The following FABP12 variants were observed in gnomAD, a reference collection of about 807,000 sequenced individuals.
FABP12 encodes fatty acid-binding protein 12.
FABP12 carries 19 observed loss-of-function variants against 13.7 expected under a neutral mutation model. The observed-to-expected ratio is 1.39, with a 90% CI of 0.97 to 2.04. FABP12 has a LOEUF of 2.04. Among genes scored for constraint, FABP12 ranks in the 30% most tolerant of loss-of-function variants. FABP12 has a pLI of 0.00. For synonymous variants in FABP12, 61 were observed against 57.0 expected, an observed-to-expected ratio of 1.07 and a Z score of -0.32; for missense variants, 182 against 164.2, an observed-to-expected ratio of 1.11 and a Z score of -0.59.
rs1249599223 is a variant in FABP12 at position 81,584,139 on chromosome 8, T to G, written c.-185+5914A>C. ...AAAAAGCATTTGATAAAATTCAACA[T>G]CCTGGAGAGTGACACCAGCAAGTTG... On this transcript the variant is annotated intron_variant, in intron 1 of 5. Coordinates refer to the FABP12 transcript ENST00000692030. Among the ~76,000 whole-genome samples, 4 of 152,152 alleles carry G rather than the reference T, an allele frequency of 2.6e-5. No homozygotes were observed. In the East Asian group the frequency reaches 7.7e-4, roughly 29 times the overall value.
chr8:81,529,746 G>T (rs1809012596), intron 2 of FABP12, 136 bp from the exon 3 acceptor site: 2 of 807,918 alleles, frequency 2.5e-6, no homozygotes. Flanking sequence ...TAACTAGGAG[G>T]TTTGCGAATT....
intron 1 of FABP12, among the ~76,000 whole-genome samples, chr8:81,554,977 T>G (rs1304179388): frequency 6.6e-6 from 1 of 152,090 alleles, no homozygotes; most frequent in East Asian, 1.9e-4. Flanking sequence ...TTCCTCTCAC[T>G]AGCATTCGAG....
At chr8:81,529,604 C>T in exon 3 of FABP12, 1 of 1,612,518 alleles carries the variant, frequency 6.2e-7, no homozygotes, top group Non-Finnish European at 8.5e-7. Context: ...GCTGGCTCTT[C>T]CTATACCTGG....
At chr8:81,569,392 T>A (rs1215827275) in intron 1 of FABP12, among the ~76,000 whole-genome samples, 1 of 152,218 alleles carries the variant, frequency 6.6e-6, no homozygotes, top group Non-Finnish European at 1.5e-5. Flanking sequence ...TAAACAATGA[T>A]GAGTTCAAAT....
intron 4 of FABP12, among the ~76,000 whole-genome samples, chr8:81,526,122 G>T (rs943625377): frequency 6.6e-6 from 1 of 151,988 alleles, no homozygotes. Flanking sequence ...AATTTATAAG[G>T]AATAAAATGT....
At chr8:81,562,214 T>C (rs180929282) in intron 1 of FABP12, among the ~76,000 whole-genome samples, 2 of 152,238 alleles carry the variant, frequency 1.3e-5, no homozygotes, top group East Asian at 3.9e-4. Flanking sequence ...AAGGACCCAG[T>C]TCTGGCAGGA....
chr8:81,532,271 A>G (rs1809094326), intron 1 of FABP12, among the ~76,000 whole-genome samples: 2 of 152,238 alleles, frequency 1.3e-5, no homozygotes, highest in African/African-American at 4.8e-5. Context: ...AATTCTAGGC[A>G]GAGCTTGATG....
chr8:81,531,269 T>C, exon 2 of FABP12: 2 of 1,607,312 alleles, frequency 1.2e-6, no homozygotes, highest in Non-Finnish European at 1.7e-6. Context: ...GTCTTCGGAA[T>C]TTTCACAAGA....
At chr8:81,559,373 G>A (rs372976) in intron 1 of FABP12, among the ~76,000 whole-genome samples, 53,021 of 152,042 alleles carry the variant, frequency 0.35, 9,843 homozygotes, top group East Asian at 0.5. Flanking sequence ...TAACAGTGGT[G>A]CCTTGGAAAA....
At chr8:81,559,462 C>T (rs769576664) in intron 1 of FABP12, among the ~76,000 whole-genome samples, 6 of 152,162 alleles carry the variant, frequency 3.9e-5, no homozygotes, top group Non-Finnish European at 8.8e-5. Flanking sequence ...GGTCTAGGCC[C>T]CACTTCCTTT....
chr8:81,534,467 C>A (rs1175244774), upstream of FABP12, among the ~76,000 whole-genome samples: 1 of 152,168 alleles, frequency 6.6e-6, no homozygotes, highest in East Asian at 1.9e-4. Context: ...AAAAACTTTA[C>A]TAGAAGTTGC....
Position 81,576,389 on chromosome 8 carries a change from AG to A in FABP12, c.-185+13663del, listed in dbSNP as rs1459958104. Among the ~76,000 whole-genome samples, 15 of 152,160 alleles carry A rather than the reference AG, an allele frequency of 9.9e-5. No homozygotes were observed. In the East Asian group the frequency reaches 1.5e-3, roughly 16 times the overall value. On this transcript the variant is annotated intron_variant, in intron 1 of 5. Transcript: ENST00000692030. ...AAAATGCAAGTATGTATATAGTAAA[AG>A]GTCTTCTCCCACTCTAGTTCTCTAT...
At chr8:81,566,784 G>A (rs1809830704) in intron 1 of FABP12, among the ~76,000 whole-genome samples, 2 of 152,178 alleles carry the variant, frequency 1.3e-5, no homozygotes, top group South Asian at 2.1e-4. Context: ...ATATTATTCA[G>A]TATAGTACTG....
rs928155890 is a variant in FABP12 at position 81,571,055 on chromosome 8, C to G, written c.-185+18998G>C. Among the ~76,000 whole-genome samples, 64 of 14,538 alleles carry G rather than the reference C, an allele frequency of 4.4e-3. 1 individual carries two copies. The highest frequency in any genetic ancestry group is 0.011 in the African/African-American group (62 of 5,488). 9.5% of individuals were successfully genotyped at this position (14,538 alleles called of 152,430 possible). A position where few individuals can be genotyped will look rare whatever the true frequency, so the allele number is the denominator to read the frequency against. ...GCGCCGAGCCACCCTCAGGCCCCCA[C>G]TCAGTCCCCCCACCCCACTTACACT... is the stretch of plus-strand genomic sequence containing the variant. On this transcript the variant is annotated intron_variant, in intron 1 of 5. Transcript: ENST00000692030.
At chr8:81,550,709 T>C (rs548094038) in intron 1 of FABP12, among the ~76,000 whole-genome samples, 4 of 152,242 alleles carry the variant, frequency 2.6e-5, no homozygotes, top group South Asian at 4.1e-4. Context: ...AAGGCACATA[T>C]AGAAATGACA....
chr8:81,572,496 G>A (rs1342549340), intron 1 of FABP12, among the ~76,000 whole-genome samples: 4 of 152,136 alleles, frequency 2.6e-5, no homozygotes, highest in Admixed American at 6.6e-5. Flanking sequence ...GGATCAAATG[G>A]TAGTTTTACT....
intron 1 of FABP12, among the ~76,000 whole-genome samples, chr8:81,568,093 G>A (rs1197001865): frequency 4.0e-5 from 6 of 148,388 alleles, no homozygotes; most frequent in Non-Finnish European, 8.9e-5. Flanking sequence ...ACTGCAGTCC[G>A]CAGTCCCGCC....
chr8:81,555,072 A>C (rs1431698163), intron 1 of FABP12, among the ~76,000 whole-genome samples: 1 of 152,164 alleles, frequency 6.6e-6, no homozygotes, highest in Admixed American at 6.5e-5. Flanking sequence ...AATACTAAAA[A>C]AGTGAAGAGG....
At chr8:81,560,250 G>T (rs1809700977) in intron 1 of FABP12, among the ~76,000 whole-genome samples, 1 of 152,128 alleles carries the variant, frequency 6.6e-6, no homozygotes, top group South Asian at 2.1e-4. Flanking sequence ...CCCTTGGCAG[G>T]TAATCACTTC....
Sources: gnomAD v4.1 joint callset for allele counts (sites outside exome capture counted in the v4.1 genomes callset) on GRCh38, gnomAD v4.1.1 for gene constraint, MANE v1.5 for transcripts, NCBI Gene and HGNC (gene_info 2026-07-23, HGNC 2026-07-21) for gene names.